The following MPP7 variants were observed in gnomAD, a reference collection of about 807,000 sequenced individuals.
MPP7 encodes the protein MAGUK p55 subfamily member 7.
MPP7 carries 60 observed loss-of-function variants against 76.5 expected under a neutral mutation model. The ratio of observed to expected loss-of-function variants is 0.78; its 90% CI spans 0.64 to 0.97. The LOEUF (loss-of-function observed/expected upper bound fraction) is 0.97, where lower values mean the gene tolerates loss of function less well. Ranked by LOEUF, MPP7 falls within the 50% of genes least tolerant of loss-of-function variation. The pLI is 0.00. For synonymous variants in MPP7, 237 were observed against 244.5 expected (o/e 0.97, Z 0.29); for missense variants, 641 against 694.0 (o/e 0.92, Z 0.86).
chr10:28,051,302 G>C lies in MPP7; in HGVS notation c.*2763C>G, dbSNP rs948109017. On this transcript the variant is annotated 3_prime_UTR_variant, in exon 17 of 17. Transcript: ENST00000683449. Reference sequence around the variant, plus strand: ...GAACATAGTTTTGTAAGTCTGAGAAGGTTATGTTTGTCAGTTTCAAATTAT... The same window carrying C: ...GAACATAGTTTTGTAAGTCTGAGAACGTTATGTTTGTCAGTTTCAAATTAT... 11 of 152,008 alleles carry C rather than the reference G, an allele frequency of 7.2e-5. No individual in the cohort carries two copies. The highest frequency in any genetic ancestry group is 4.6e-4 in the Admixed American group (7 of 15,274). 9.4% of individuals were successfully genotyped at this position (152,008 alleles called of 1,614,324 possible).
chr10:28,302,128 G>A (rs913701720), intron 1 of MPP7, among the ~76,000 whole-genome samples: 20 of 151,680 alleles, frequency 1.3e-4, no homozygotes, highest in African/African-American at 4.8e-4. Context: ...TCCCACCCAT[G>A]GCACAGTGAC....
At chr10:28,097,596 T>C (rs112413760) in intron 11 of MPP7, among the ~76,000 whole-genome samples, 2 of 152,088 alleles carry the variant, frequency 1.3e-5, no homozygotes, top group African/African-American at 2.4e-5. Flanking sequence ...CCTATATACA[T>C]AGATGCATAA....
chr10:28,107,903 G>C (rs1429475123), intron 11 of MPP7, among the ~76,000 whole-genome samples: 1 of 152,126 alleles, frequency 6.6e-6, no homozygotes, highest in East Asian at 1.9e-4. Flanking sequence ...GATGTACCGG[G>C]TATCTGGCAC....
rs542573562 is a variant in MPP7 at position 28,329,425 on chromosome 10, G to T, written c.-132+504C>A. On this transcript the variant is annotated intron_variant, in intron 2 of 11. Coordinates refer to the MPP7 transcript ENST00000441595. The stretch of plus-strand genomic sequence containing the variant: ...AGGCGGATCACGAGGTCAGGAGATG[G>T]AAACCATCCTGGCTAACACAGTGAA... Among the ~76,000 whole-genome samples, 294 of 152,034 alleles carry T rather than the reference G, an allele frequency of 1.9e-3. 5 individuals carry two copies. Among genetic ancestry groups the T allele is most frequent in the Non-Finnish European group, 3.1e-4 (21 of 67,968 alleles).
chr10:28,143,008 G>C (rs1835574319), intron 5 of MPP7, among the ~76,000 whole-genome samples: 1 of 151,952 alleles, frequency 6.6e-6, no homozygotes, highest in Non-Finnish European at 1.5e-5. Context: ...TATTTAAATA[G>C]CAGAAAAGCA....
chr10:28,187,789 G>A lies in MPP7; in HGVS notation c.156+14364C>T, dbSNP rs554589888. 1.6e-3 allele frequency among the ~76,000 whole-genome samples: 250 copies of A among 152,240 alleles called. 7 individuals carry two copies. The South Asian group carries it at 0.05, about 31-fold the overall frequency. On this transcript the variant is annotated intron_variant, in intron 3 of 16. Coordinates refer to ENST00000683449, the MANE Select transcript of MPP7 (RefSeq NM_001318170.2). Reference sequence around the variant, plus strand: ...AGATTAAAAGGTGAGGAACTTAAAAGTGCTTGAACCAAAAAGAGTTTATAA... The same window carrying A: ...AGATTAAAAGGTGAGGAACTTAAAAATGCTTGAACCAAAAAGAGTTTATAA...
At chr10:28,244,759 G>C (rs528938323) in intron 1 of MPP7, among the ~76,000 whole-genome samples, 2 of 152,230 alleles carry the variant, frequency 1.3e-5, no homozygotes, top group African/African-American at 4.8e-5. Flanking sequence ...AAAGTCTGCC[G>C]GGAACCCTGG....
intron 13 of MPP7, among the ~76,000 whole-genome samples, chr10:28,062,019 T>C (rs1024278091): frequency 6.6e-6 from 1 of 152,140 alleles, no homozygotes; most frequent in African/African-American, 2.4e-5. Flanking sequence ...AGGAAGTTTT[T>C]TAGGCTGAAG....
chr10:28,325,461 G>A (rs1834402046), intron 2 of MPP7, among the ~76,000 whole-genome samples: 1 of 151,764 alleles, frequency 6.6e-6, no homozygotes, highest in Non-Finnish European at 1.5e-5. Flanking sequence ...GACCGACCAG[G>A]GCAACATAGT....
At chr10:28,133,481 T>C (rs1268480881) in intron 5 of MPP7, among the ~76,000 whole-genome samples, 4 of 152,226 alleles carry the variant, frequency 2.6e-5, no homozygotes, top group Non-Finnish European at 2.9e-5. Context: ...TTCTTTGCCT[T>C]CATACATGTC....
At chr10:28,293,142 G>A (rs1393231031) in intron 1 of MPP7, among the ~76,000 whole-genome samples, 3 of 151,060 alleles carry the variant, frequency 2.0e-5, no homozygotes, top group Admixed American at 2.0e-4. Flanking sequence ...CAAAAGATGC[G>A]TATACCATTT....
intron 2 of MPP7, among the ~76,000 whole-genome samples, chr10:28,309,625 G>C (rs573157936): frequency 6.6e-6 from 1 of 152,304 alleles, no homozygotes; most frequent in African/African-American, 2.4e-5. Flanking sequence ...GTGTTTGGCT[G>C]TTGAACTTTA....
At chr10:28,261,441 A>G (rs1839946561) in intron 1 of MPP7, among the ~76,000 whole-genome samples, 1 of 152,218 alleles carries the variant, frequency 6.6e-6, no homozygotes, top group Non-Finnish European at 1.5e-5. Flanking sequence ...GATTTAAGCG[A>G]GGCAAACCAT....
chr10:28,242,940 T>C (rs80030224), intron 1 of MPP7, among the ~76,000 whole-genome samples: 5,417 of 152,266 alleles, frequency 0.036, 185 homozygotes, highest in African/African-American at 0.081. Flanking sequence ...TGAGTACCCT[T>C]CTTTTTAACA....
intron 3 of MPP7, among the ~76,000 whole-genome samples, chr10:28,177,260 C>CAAAAAAAAAAAAAA (rs57984876): frequency 1.9e-5 from 2 of 104,182 alleles, no homozygotes; most frequent in Non-Finnish European, 1.8e-5. Context: ...ACTAAAAATG[C>CAAAAAAAAAAAAAA]AAAAAAAAAA....
upstream of MPP7, chr10:28,303,614 C>G (rs1331422703): frequency 2.0e-5 from 3 of 152,090 alleles, no homozygotes; most frequent in Admixed American, 6.5e-5. Flanking sequence ...GTGACTTTTT[C>G]TTATTACCTT....
intron 2 of MPP7, among the ~76,000 whole-genome samples, chr10:28,202,488 C>T (rs1334582032): frequency 6.6e-6 from 1 of 152,162 alleles, no homozygotes; most frequent in African/African-American, 2.4e-5. Context: ...TTACCTCTCA[C>T]AGTTGTCAAC....
In MPP7 at chr10:28,120,317, G is replaced by A. The variant is rs868408817; in HGVS notation, c.764C>T (p.Ser255Phe). 7 of 1,613,980 alleles carry A rather than the reference G, an allele frequency of 4.3e-6. No individual in the cohort carries two copies. The highest frequency in any genetic ancestry group is 5.9e-6 in the Non-Finnish European group (7 of 1,179,930). Residue 255 changes from serine to phenylalanine, a missense_variant, in exon 10 of 17, where the codon TCT becomes TTT. Physicochemically the swap from Ser to Phe is radical, Grantham distance 155. Coordinates refer to ENST00000683449, the MANE Select transcript of MPP7 (RefSeq NM_001318170.2). ...KAIPCKEAGLSFKKGDILQIM... is the reference protein window; with the variant it reads ...KAIPCKEAGLFFKKGDILQIM... The stretch of plus-strand genomic sequence containing the variant: ...CTGAAGAATATCTCCCTTTTTGAAA[G>A]AAAGCCCAGCTTCCTTACATGGAAT...
chr10:28,310,468 A>C (rs917506146), intron 2 of MPP7, among the ~76,000 whole-genome samples: 1 of 152,150 alleles, frequency 6.6e-6, no homozygotes, highest in Non-Finnish European at 1.5e-5. Context: ...CGTTGCCACC[A>C]TGGTACCATC....
Sources: allele counts gnomAD v4.1 joint callset (sites outside exome capture counted in the v4.1 genomes callset), GRCh38; gene constraint gnomAD v4.1.1; transcripts MANE v1.5; gene names NCBI Gene and HGNC (gene_info 2026-07-23, HGNC 2026-07-21).